Variants in CYP27A1 observed in about 807,000 individuals in gnomAD.
CYP27A1 encodes cytochrome P450 family 27 subfamily A member 1.
A neutral mutation model predicts 58.2 loss-of-function variants in CYP27A1; 46 were observed. The observed-to-expected ratio is 0.79, with a 90% confidence interval of 0.62 to 1.01. CYP27A1 has a LOEUF of 1.01. CYP27A1 is among the 50% of genes least tolerant of loss of function. The pLI is 0.00. For missense variants in CYP27A1, 704 were observed against 687.0 expected (o/e 1.02, Z -0.28); for synonymous variants, 274 against 285.1 (o/e 0.96, Z 0.39).
chr2:218,811,563 C>T (rs928141612), intron 2 of CYP27A1, among the ~76,000 whole-genome samples: 2 of 152,080 alleles, frequency 1.3e-5, no homozygotes, highest in African/African-American at 4.8e-5. Context: ...ACCTACCTTG[C>T]CTAACCAGGG....
rs1270373689 is a variant in CYP27A1 at position 218,812,245 on chromosome 2, T to C, written c.470T>C (p.Leu157Pro). 1 of 1,614,168 alleles carries C rather than the reference T, an allele frequency of 6.2e-7. No individual in the cohort carries two copies. Among genetic ancestry groups the C allele is most frequent in the Non-Finnish European group, 8.5e-7 (1 of 1,180,028 alleles). Residue 157 changes from leucine (L) to proline (P), a missense_variant, in exon 3 of 9, where the codon CTG becomes CCG. Transcript: ENST00000258415. ...FTTEGHHWYQ[L>P]RQALNQRLLK... Reference sequence around the variant, plus strand: ...AGGGAAGGACACCACTGGTACCAGCTGCGCCAGGCTCTGAACCAGCGGTTG... The same window carrying C: ...AGGGAAGGACACCACTGGTACCAGCCGCGCCAGGCTCTGAACCAGCGGTTG...
At chr2:218,790,816 G>A (rs960200043) in intron 1 of CYP27A1, among the ~76,000 whole-genome samples, 1 of 151,884 alleles carries the variant, frequency 6.6e-6, no homozygotes, top group Non-Finnish European at 1.5e-5. Context: ...TCCTGCCTCA[G>A]CCTCCCGAGT....
intron 1 of CYP27A1, among the ~76,000 whole-genome samples, chr2:218,803,021 C>G (rs550220557): frequency 6.6e-6 from 1 of 152,040 alleles, no homozygotes; most frequent in South Asian, 2.1e-4. Context: ...CTCGGCTCAC[C>G]GCAACCTCTG....
At position 218,812,668 on chromosome 2, in the gene CYP27A1, A is replaced by G; in HGVS notation, c.763A>G (p.Thr255Ala). Reference protein sequence around the residue: ...GLMFQNSLYATFLPKWTRPVL... With the variant: ...GLMFQNSLYAAFLPKWTRPVL... The stretch of plus-strand genomic sequence containing the variant: ...AATGTTCCAGAACTCACTCTATGCC[A>G]CCTTCCTCCCCAAGTGGACTCGCCC... Residue 255 changes from threonine to alanine, a missense_variant, in exon 4 of 9, where the codon ACC becomes GCC. By Grantham distance (58) the Thr-to-Ala change is moderately conservative. Transcript: ENST00000258415. 3 of 1,614,122 alleles carry G rather than the reference A, an allele frequency of 1.9e-6. No homozygotes were observed. The highest frequency in any genetic ancestry group is 2.5e-6 in the Non-Finnish European group (3 of 1,180,016).
intron 1 of CYP27A1, among the ~76,000 whole-genome samples, chr2:218,808,713 G>T (rs917387943): frequency 6.6e-6 from 1 of 152,066 alleles, no homozygotes; most frequent in African/African-American, 2.4e-5. Flanking sequence ...CAGTTTGTAG[G>T]TGTAACTTAC....
intron 5 of CYP27A1, 81 bp from the exon 6 acceptor site, chr2:218,813,940 A>T: frequency 6.6e-7 from 1 of 1,506,138 alleles, no homozygotes; most frequent in African/African-American, 1.4e-5. Flanking sequence ...CACATTTTGC[A>T]TACACCCACT....
In CYP27A1 at chr2:218,812,355, G is replaced by A. The variant is rs1333244374; in HGVS notation, c.580G>A (p.Ala194Thr). 6.2e-7 allele frequency: 1 copy of A among 1,614,236 alleles called. No individual in the cohort carries two copies. Among genetic ancestry groups the A allele is most frequent in the Non-Finnish European group, 8.5e-7 (1 of 1,180,028 alleles). ...TATGACTCGACTGGACCAGCTGCGG[G>A]CAGAGAGTGCTTCGGGGAACCAGGT... ...DFMTRLDQLRAESASGNQVSD... is the reference protein window; with the variant it reads ...DFMTRLDQLRTESASGNQVSD... The change falls in exon 3 of 9, where the codon GCA (alanine) becomes ACA (threonine). Residue 194 changes from alanine (A) to threonine (T), a missense_variant. Coordinates refer to ENST00000258415, the MANE Select transcript of CYP27A1 (RefSeq NM_000784.4).
At chr2:218,783,272 A>AAAAAG (rs1943412567) in intron 1 of CYP27A1, among the ~76,000 whole-genome samples, 1 of 151,092 alleles carries the variant, frequency 6.6e-6, no homozygotes, top group African/African-American at 2.4e-5. Context: ...AAAAAAAAAA[A>AAAAAG]AAAAGAAAAA....
intron 1 of CYP27A1, among the ~76,000 whole-genome samples, chr2:218,800,077 C>A (rs1298320177): frequency 6.6e-6 from 1 of 152,090 alleles, no homozygotes; most frequent in Non-Finnish European, 1.5e-5. Context: ...GAAACTCCTG[C>A]TAGACCGCAG....
chr2:218,789,539 G>A (rs988754364), intron 1 of CYP27A1, among the ~76,000 whole-genome samples: 13 of 152,206 alleles, frequency 8.5e-5, no homozygotes, highest in Admixed American at 4.6e-4. Flanking sequence ...TTTGAACACG[G>A]TTTGAACAGT....
intron 2 of CYP27A1, among the ~76,000 whole-genome samples, chr2:218,811,868 T>A (rs1943719673): frequency 6.6e-6 from 1 of 152,198 alleles, no homozygotes; most frequent in South Asian, 2.1e-4. Flanking sequence ...ACGAGCCTAC[T>A]CAGATAGGCA....
chr2:218,796,191 C>T (rs987405479), intron 1 of CYP27A1, among the ~76,000 whole-genome samples: 2 of 152,024 alleles, frequency 1.3e-5, no homozygotes, highest in Non-Finnish European at 2.9e-5. Context: ...GGGAAGCATA[C>T]CTTTCTAGTC....
chr2:218,787,719 G>A (rs1050152722), intron 1 of CYP27A1, among the ~76,000 whole-genome samples: 12 of 144,970 alleles, frequency 8.3e-5, no homozygotes, highest in African/African-American at 2.5e-4. Flanking sequence ...TCTGCCATCC[G>A]ATGACATTGC....
At chr2:218,803,072 G>A (rs1179379025) in intron 1 of CYP27A1, among the ~76,000 whole-genome samples, 1 of 152,120 alleles carries the variant, frequency 6.6e-6, no homozygotes, top group Non-Finnish European at 1.5e-5. Flanking sequence ...AGCCTCCCAA[G>A]TAGCTGGGAC....
intron 1 of CYP27A1, among the ~76,000 whole-genome samples, chr2:218,794,365 C>T (rs897888822): frequency 6.6e-5 from 10 of 152,228 alleles, no homozygotes; most frequent in African/African-American, 2.4e-4. Context: ...GTCATATCTC[C>T]CTCAGAGGCC....
chr2:218,786,111 AC>A (rs2105970429), intron 1 of CYP27A1, among the ~76,000 whole-genome samples: 1 of 152,182 alleles, frequency 6.6e-6, no homozygotes, highest in African/African-American at 2.4e-5. Context: ...ACATAGCAAG[AC>A]CCCACCTCTA....
At chr2:218,801,405 C>T (rs1943598601) in intron 1 of CYP27A1, among the ~76,000 whole-genome samples, 1 of 152,032 alleles carries the variant, frequency 6.6e-6, no homozygotes. Context: ...ACTCAGGAGG[C>T]TGAGGCAGGA....
chr2:218,789,311 A>G (rs1943468493), intron 1 of CYP27A1, among the ~76,000 whole-genome samples: 1 of 152,258 alleles, frequency 6.6e-6, no homozygotes, highest in African/African-American at 2.4e-5. Flanking sequence ...GAACGTGTTG[A>G]AAAAGAAAAA....
intron 1 of CYP27A1, among the ~76,000 whole-genome samples, chr2:218,786,986 G>A (rs936936316): frequency 6.6e-6 from 1 of 151,936 alleles, no homozygotes; most frequent in Admixed American, 6.6e-5. Context: ...GTAGAAAGAG[G>A]TTTCGCCATG....
Sources: allele counts gnomAD v4.1 joint callset (sites outside exome capture counted in the v4.1 genomes callset), GRCh38; gene constraint gnomAD v4.1.1; transcripts MANE v1.5; gene names NCBI Gene and HGNC (gene_info 2026-07-23, HGNC 2026-07-21).